Variants in VTI1A observed in about 807,000 individuals in gnomAD.
The protein encoded by VTI1A is vesicle transport through interaction with t-SNAREs 1A, also known as vesicle transport through interaction with t-SNAREs homolog 1A.
A neutral mutation model predicts 34.9 loss-of-function variants in VTI1A; 22 were observed. The observed-to-expected ratio is 0.63, with a 90% CI of 0.45 to 0.90. The LOEUF is 0.90. Ranked by LOEUF, VTI1A falls within the 40% of genes least tolerant of loss-of-function variation. The pLI is 0.00. For missense variants in VTI1A, 268 were observed against 275.6 expected, an observed-to-expected ratio of 0.97 and a Z score of 0.20; for synonymous variants, 87 against 97.3, an observed-to-expected ratio of 0.89 and a Z score of 0.62.
chr10:112,677,766 T>TTA (rs1269022685), intron 7 of VTI1A: 3 of 152,216 alleles, frequency 2.0e-5, no homozygotes, highest in Non-Finnish European at 4.4e-5. Flanking sequence ...GTTGATAACG[T>TTA]GGTTACTGGA....
chr10:112,809,426 C>T (rs1434582163), intron 7 of VTI1A, among the ~76,000 whole-genome samples: 2 of 152,302 alleles, frequency 1.3e-5, no homozygotes, highest in South Asian at 2.1e-4. Context: ...TATGCTCTCA[C>T]GGTTGCTAAT....
chr10:112,665,838 C>G (rs1290016348), intron 5 of VTI1A, among the ~76,000 whole-genome samples: 2 of 152,088 alleles, frequency 1.3e-5, no homozygotes, highest in Admixed American at 1.3e-4. Flanking sequence ...CAGATACTTA[C>G]AGGGGATATG....
intron 7 of VTI1A, among the ~76,000 whole-genome samples, chr10:112,712,076 A>G (rs998708452): frequency 5.9e-5 from 9 of 152,102 alleles, no homozygotes; most frequent in African/African-American, 1.7e-4. Context: ...GAGTGACCCA[A>G]TTAGTAAGAG....
In VTI1A at chr10:112,548,841, A is replaced by G. The variant is rs1230740997; in HGVS notation, c.427+10511A>G. The G allele has an allele frequency of 5.4e-6, 8 of 1,491,420 alleles. No homozygotes were observed. In the Admixed American group the frequency reaches 1.2e-4, roughly 22 times the overall value. 92.4% of individuals were successfully genotyped at this position (1,491,420 alleles called of 1,614,324 possible). The stretch of plus-strand genomic sequence containing the variant: ...CACCAGACTTTAAGAATTTAGGGCC[A>G]TCTTCCAGCTTTTTACCGGAACGGT... On this transcript the variant is annotated intron_variant, in intron 5 of 7. Coordinates refer to ENST00000393077, the MANE Select transcript of VTI1A (RefSeq NM_145206.4).
At chr10:112,844,555 C>T in the VTI1A span, among the ~76,000 whole-genome samples, 1 of 152,180 alleles carries the variant, frequency 6.6e-6, no homozygotes, top group Non-Finnish European at 1.5e-5. Flanking sequence ...CCCACCACCA[C>T]GCCCGGCTAA....
At chr10:112,595,400 G>T (rs1473153891) in intron 5 of VTI1A, among the ~76,000 whole-genome samples, 2 of 150,790 alleles carry the variant, frequency 1.3e-5, no homozygotes, top group Admixed American at 6.6e-5. Flanking sequence ...GAAAATTTTC[G>T]CAACCTACTC....
chr10:112,803,219 C>G (rs987273742), intron 7 of VTI1A, among the ~76,000 whole-genome samples: 1 of 152,156 alleles, frequency 6.6e-6, no homozygotes, highest in African/African-American at 2.4e-5. Flanking sequence ...CAGGTATGTG[C>G]CACCATGCCC....
intron 7 of VTI1A, among the ~76,000 whole-genome samples, chr10:112,716,581 A>C (rs1849620819): frequency 6.6e-6 from 1 of 152,122 alleles, no homozygotes; most frequent in South Asian, 2.1e-4. Flanking sequence ...GAACAGGGAC[A>C]TGGAGGCCTT....
intron 5 of VTI1A, among the ~76,000 whole-genome samples, chr10:112,599,467 A>G (rs1193713915): frequency 6.6e-6 from 1 of 152,132 alleles, no homozygotes; most frequent in Non-Finnish European, 1.5e-5. Flanking sequence ...TTAGGACAAA[A>G]CAGTCCATGG....
chr10:112,593,746 A>G (rs1375950362), intron 5 of VTI1A, among the ~76,000 whole-genome samples: 1 of 150,488 alleles, frequency 6.6e-6, no homozygotes, highest in Non-Finnish European at 1.5e-5. Context: ...TATTTTTTTT[A>G]TTTTTTTTGA....
At chr10:112,596,220 G>T (rs896781563) in intron 5 of VTI1A, among the ~76,000 whole-genome samples, 10 of 151,768 alleles carry the variant, frequency 6.6e-5, no homozygotes, top group Admixed American at 2.0e-4. Context: ...CTAAATGATG[G>T]GTTACTGGGT....
At position 112,521,276 on chromosome 10, in the gene VTI1A, C is replaced by A. The variant is rs557953549; in HGVS notation, c.265-5811C>A. 2.0e-5 allele frequency among the ~76,000 whole-genome samples: 3 copies of A among 152,044 alleles called. No individual in the cohort carries two copies. The South Asian group carries it at 6.2e-4, about 31-fold the overall frequency. On this transcript the variant is annotated intron_variant, in intron 3 of 7. Transcript: ENST00000393077. ...TATTGGAAGCCATCCAAAAATTACACCACCATAAAATAAGGAATTGGGCAA... is the reference window on the plus strand; with the variant it reads ...TATTGGAAGCCATCCAAAAATTACAACACCATAAAATAAGGAATTGGGCAA...
intron 7 of VTI1A, among the ~76,000 whole-genome samples, chr10:112,809,155 G>A (rs1372473930): frequency 6.6e-6 from 1 of 152,200 alleles, no homozygotes; most frequent in African/African-American, 2.4e-5. Flanking sequence ...GACCCAAGAT[G>A]GGCATTATCA....
intron 7 of VTI1A, among the ~76,000 whole-genome samples, chr10:112,760,941 G>A (rs1851444004): frequency 6.6e-6 from 1 of 150,402 alleles, no homozygotes; most frequent in South Asian, 2.1e-4. Flanking sequence ...GATGTTCATT[G>A]ATGTATAATA....
At chr10:112,558,694 A>G (rs148742853) in intron 5 of VTI1A, among the ~76,000 whole-genome samples, 8 of 152,316 alleles carry the variant, frequency 5.3e-5, no homozygotes, top group Non-Finnish European at 8.8e-5. Flanking sequence ...GTGTGGAGAT[A>G]AGCTGATTAG....
chr10:112,794,426 C>G (rs11196112), intron 7 of VTI1A, among the ~76,000 whole-genome samples: 80,987 of 151,690 alleles, frequency 0.53, 21,903 homozygotes, highest in South Asian at 0.66. Flanking sequence ...GTCATGCATG[C>G]CTGTGGTCCC....
chr10:112,786,410 A>C (rs1429907015), intron 7 of VTI1A, among the ~76,000 whole-genome samples: 3 of 152,136 alleles, frequency 2.0e-5, no homozygotes, highest in Non-Finnish European at 2.9e-5. Flanking sequence ...CTTCCTTTCC[A>C]ATCTGGGTGC....
intron 5 of VTI1A, among the ~76,000 whole-genome samples, chr10:112,541,449 AATC>A (rs1850866359): frequency 6.6e-6 from 1 of 152,242 alleles, no homozygotes; most frequent in African/African-American, 2.4e-5. Flanking sequence ...GCTCTGTTAA[AATC>A]ATCATTTTTA....
chr10:112,544,526 A>G (rs1036289142), intron 5 of VTI1A, among the ~76,000 whole-genome samples: 3 of 152,096 alleles, frequency 2.0e-5, no homozygotes, highest in African/African-American at 7.2e-5. Context: ...TAAGTTAATA[A>G]TGGACAAGAC....
Sources: gnomAD v4.1 joint callset for allele counts (sites outside exome capture counted in the v4.1 genomes callset) on GRCh38, gnomAD v4.1.1 for gene constraint, MANE v1.5 for transcripts, NCBI Gene and HGNC (gene_info 2026-07-23, HGNC 2026-07-21) for gene names.